PDZRN3: variants seen among roughly 807,000 people sequenced by gnomAD.
PDZRN3 encodes PDZ domain containing ring finger 3.
A neutral mutation model predicts 85.7 loss-of-function variants in PDZRN3; 38 were observed. The observed-to-expected ratio is 0.44, with a 90% CI of 0.34 to 0.58. The LOEUF (loss-of-function observed/expected upper bound fraction) is 0.58, where lower values mean the gene tolerates loss of function less well. PDZRN3 is among the 20% of genes least tolerant of loss of function. PDZRN3 has a pLI of 0.01. For synonymous variants in PDZRN3, 759 were observed against 638.0 expected, an observed-to-expected ratio of 1.19 and a Z score of -2.86; for missense variants, 1,629 against 1,506.4, an observed-to-expected ratio of 1.08 and a Z score of -1.35.
At chr3:73,557,226 T>C (rs1701716930) in intron 3 of PDZRN3, among the ~76,000 whole-genome samples, 2 of 152,096 alleles carry the variant, frequency 1.3e-5, no homozygotes, top group African/African-American at 2.4e-5. Context: ...AGAGCTGGAG[T>C]TCCTGAACTC....
At chr3:73,581,159 A>G (rs1311774258) in intron 3 of PDZRN3, among the ~76,000 whole-genome samples, 1 of 152,216 alleles carries the variant, frequency 6.6e-6, no homozygotes, top group Non-Finnish European at 1.5e-5. Context: ...GTTTTCATGG[A>G]AAGAATCACC....
chr3:73,449,311 C>T (rs139402900), intron 3 of PDZRN3, among the ~76,000 whole-genome samples: 53 of 151,926 alleles, frequency 3.5e-4, no homozygotes, highest in African/African-American at 1.0e-3. Context: ...TATTCATATT[C>T]GGGCACTGGA....
At chr3:73,562,446 T>C (rs1701838961) in intron 3 of PDZRN3, among the ~76,000 whole-genome samples, 1 of 152,118 alleles carries the variant, frequency 6.6e-6, no homozygotes, top group Admixed American at 6.5e-5. Context: ...GTTTCCAGAT[T>C]CCCTTTAAAA....
intron 3 of PDZRN3, among the ~76,000 whole-genome samples, chr3:73,514,509 T>G (rs1704222708): frequency 6.6e-6 from 1 of 152,222 alleles, no homozygotes; most frequent in Admixed American, 6.5e-5. Flanking sequence ...GGTCTTGATT[T>G]GGGCTTTAAG....
At position 73,404,412 on chromosome 3, in the gene PDZRN3, AG is replaced by A. The variant is rs769765080; in HGVS notation, c.919-18del. ...GCCGTTGACCTGTGGAAAAATATTT[AG>A]GGTGGGACAAGGTTAGAATAAAGCA... is the stretch of plus-strand genomic sequence containing the variant. On this transcript the variant is annotated intron_variant, in intron 3 of 9. Transcript: ENST00000263666. 4 of 1,606,952 alleles carry A rather than the reference AG, an allele frequency of 2.5e-6. No homozygotes were observed. In the East Asian group the frequency reaches 8.9e-5, roughly 36 times the overall value.
At chr3:73,468,783 C>T (rs1053635437) in intron 3 of PDZRN3, among the ~76,000 whole-genome samples, 4 of 152,148 alleles carry the variant, frequency 2.6e-5, no homozygotes, top group South Asian at 4.1e-4. Context: ...CTGGAGCCAG[C>T]GATCCTGGAT....
intron 3 of PDZRN3, among the ~76,000 whole-genome samples, chr3:73,495,103 C>T (rs1455361781): frequency 6.6e-6 from 1 of 152,106 alleles, no homozygotes; most frequent in Non-Finnish European, 1.5e-5. Flanking sequence ...CAAGCATACC[C>T]CAAACCTCAG....
intron 3 of PDZRN3, among the ~76,000 whole-genome samples, chr3:73,444,972 G>C (rs1702719694): frequency 6.6e-6 from 1 of 152,216 alleles, no homozygotes; most frequent in Non-Finnish European, 1.5e-5. Context: ...TGGCGGTCTT[G>C]AGGGCAAATG....
intron 3 of PDZRN3, among the ~76,000 whole-genome samples, chr3:73,502,859 G>A (rs1047337945): frequency 6.6e-6 from 1 of 152,142 alleles, no homozygotes; most frequent in Non-Finnish European, 1.5e-5. Flanking sequence ...TGATCAAGAC[G>A]TGGTACCAGA....
chr3:73,409,849 C>G (rs1575631425), intron 3 of PDZRN3, among the ~76,000 whole-genome samples: 1 of 152,190 alleles, frequency 6.6e-6, no homozygotes, highest in Non-Finnish European at 1.5e-5. Context: ...ATACTATACT[C>G]TCTCCAAATT....
intron 3 of PDZRN3, among the ~76,000 whole-genome samples, chr3:73,421,505 C>G (rs1008702063): frequency 6.6e-6 from 1 of 152,158 alleles, no homozygotes; most frequent in Admixed American, 6.5e-5. Context: ...CTAAATGCTG[C>G]CTTTAAGACA....
intron 3 of PDZRN3, among the ~76,000 whole-genome samples, chr3:73,471,655 A>G (rs989693474): frequency 1.3e-5 from 2 of 152,080 alleles, no homozygotes; most frequent in East Asian, 1.9e-4. Context: ...TTTTGCCCTC[A>G]AGGAGGGCTG....
intron 3 of PDZRN3, among the ~76,000 whole-genome samples, chr3:73,411,969 G>A (rs937607998): frequency 6.6e-6 from 1 of 152,154 alleles, no homozygotes; most frequent in Non-Finnish European, 1.5e-5. Flanking sequence ...TACTATCACT[G>A]TTTCGCAGAC....
intron 3 of PDZRN3, among the ~76,000 whole-genome samples, chr3:73,481,681 C>T (rs1474484387): frequency 6.6e-6 from 1 of 152,138 alleles, no homozygotes; most frequent in Non-Finnish European, 1.5e-5. Flanking sequence ...ACAGAGATAC[C>T]CATTGAGTTC....
At chr3:73,615,510 C>T (rs977223774) in intron 1 of PDZRN3, among the ~76,000 whole-genome samples, 1 of 152,076 alleles carries the variant, frequency 6.6e-6, no homozygotes, top group African/African-American at 2.4e-5. Flanking sequence ...GCAGGTGGGG[C>T]CTTTGGGACG....
intron 1 of PDZRN3, among the ~76,000 whole-genome samples, chr3:73,608,927 G>C (rs1163770533): frequency 6.6e-6 from 1 of 152,142 alleles, no homozygotes; most frequent in Non-Finnish European, 1.5e-5. Context: ...AATGTCTGGA[G>C]ATGTCCAGAC....
intron 3 of PDZRN3, among the ~76,000 whole-genome samples, chr3:73,451,018 C>T (rs1013667495): frequency 5.9e-5 from 9 of 152,048 alleles, no homozygotes; most frequent in East Asian, 1.9e-4. Context: ...CTACCGTCAC[C>T]GCCAATCCTG....
intron 2 of PDZRN3, among the ~76,000 whole-genome samples, chr3:73,604,906 G>C (rs561394155): frequency 6.6e-6 from 1 of 152,164 alleles, no homozygotes; most frequent in Non-Finnish European, 1.5e-5. Context: ...CAGTGGTGAG[G>C]GGTGGGGAAG....
intron 3 of PDZRN3, among the ~76,000 whole-genome samples, chr3:73,452,839 C>CTCTGTGTGTGTG (rs1553690746): frequency 1.6e-4 from 22 of 140,618 alleles, no homozygotes; most frequent in African/African-American, 4.8e-4. Context: ...GTCCATATAT[C>CTCTGTGTGTGTG]TGTGTGTGTG....
Sources: allele counts gnomAD v4.1 joint callset (sites outside exome capture counted in the v4.1 genomes callset), GRCh38; gene constraint gnomAD v4.1.1; transcripts MANE v1.5; gene names NCBI Gene and HGNC (gene_info 2026-07-23, HGNC 2026-07-21).